Variants in RPTOR observed in about 807,000 individuals in gnomAD.
RPTOR encodes regulatory associated protein of MTOR complex 1, also known as regulatory-associated protein of mTOR.
Under a neutral mutation model 169.9 loss-of-function variants are expected in RPTOR, and 21 were observed. That is an observed-to-expected ratio of 0.12 (90% confidence interval 0.09 to 0.18). RPTOR has a LOEUF of 0.18. Among genes scored for constraint, RPTOR ranks in the 10% least tolerant of loss-of-function variants. The pLI is 1.00. For synonymous variants in RPTOR, 732 were observed against 753.2 expected (o/e 0.97, Z 0.46); for missense variants, 1,133 against 1,855.9 (o/e 0.61, Z 7.16).
At chr17:80,628,206 A>G (rs1410518395) in intron 2 of RPTOR, among the ~76,000 whole-genome samples, 1 of 152,158 alleles carries the variant, frequency 6.6e-6, no homozygotes, top group Admixed American at 6.6e-5. Context: ...AAAATAATGA[A>G]TGTCTTTTAT....
At chr17:80,748,202 G>A (rs1315696795) in intron 5 of RPTOR, among the ~76,000 whole-genome samples, 7 of 117,036 alleles carry the variant, frequency 6.0e-5, no homozygotes, top group South Asian at 2.9e-4. Flanking sequence ...TGTGTTTGGA[G>A]GCCGTGGCGG....
At position 80,673,090 on chromosome 17, in the gene RPTOR, C is replaced by T. The variant is rs142828946; in HGVS notation, c.348+29280C>T. Among the ~76,000 whole-genome samples, 1,355 of 152,092 alleles carry T rather than the reference C, an allele frequency of 8.9e-3. 22 individuals carry two copies. The highest frequency in any genetic ancestry group is 0.03 in the African/African-American group (1,258 of 41,502). On this transcript the variant is annotated intron_variant, in intron 3 of 33. Coordinates refer to ENST00000306801, the MANE Select transcript of RPTOR (RefSeq NM_020761.3). ...TATAGGCGTGTGCCACCACGCTTGG[C>T]CAATTTTTATATTTTTAGTAGAGAT...
At chr17:80,779,547 A>G (rs544770902) in intron 6 of RPTOR, among the ~76,000 whole-genome samples, 2 of 152,276 alleles carry the variant, frequency 1.3e-5, no homozygotes, top group Non-Finnish European at 2.9e-5. Flanking sequence ...CTGTGTGAAC[A>G]TTGAGATGTG....
intron 8 of RPTOR, among the ~76,000 whole-genome samples, chr17:80,822,838 G>A (rs1458283422): frequency 1.3e-5 from 2 of 152,010 alleles, no homozygotes; most frequent in South Asian, 2.1e-4. Context: ...TATCTGTATA[G>A]GTACACACCT....
At chr17:80,893,898 G>T in intron 20 of RPTOR, 33 bp downstream of exon 20, 1 of 1,504,412 alleles carries the variant, frequency 6.6e-7, no homozygotes. Context: ...GCTTCCGAGG[G>T]GCCCCGAGGG....
chr17:80,774,191 G>C (rs1399826625), intron 6 of RPTOR: 2 of 985,286 alleles, frequency 2.0e-6, no homozygotes, highest in Non-Finnish European at 2.4e-6. Flanking sequence ...ATGTCAAGCT[G>C]GTCCCGTCTC....
chr17:80,752,754 A>G (rs187081545), intron 5 of RPTOR, among the ~76,000 whole-genome samples: 1 of 152,358 alleles, frequency 6.6e-6, no homozygotes, highest in Admixed American at 6.5e-5. Flanking sequence ...CCTGGTATCC[A>G]TGGCAGGGTA....
chr17:80,581,632 C>T lies in RPTOR; in HGVS notation c.162+35841C>T, dbSNP rs8074142. On this transcript the variant is annotated intron_variant, in intron 1 of 33. Transcript: ENST00000306801. ...ATTCTCTGCAGTGGAGACCGCACAT[C>T]GGGCCAGTGCATGCCTGCTATTCTC... is the stretch of plus-strand genomic sequence containing the variant. 8.0e-3 allele frequency among the ~76,000 whole-genome samples: 1,128 copies of T among 140,362 alleles called. 15 individuals are homozygous for T. Among genetic ancestry groups the T allele is most frequent in the African/African-American group, 0.033 (1,029 of 31,510 alleles). 92.1% of individuals were successfully genotyped at this position (140,362 alleles called of 152,430 possible).
At chr17:80,869,864 T>C (rs2068033347) in intron 13 of RPTOR, among the ~76,000 whole-genome samples, 1 of 152,200 alleles carries the variant, frequency 6.6e-6, no homozygotes, top group African/African-American at 2.4e-5. Context: ...TTTGAAATTG[T>C]CCTTAGGGTC....
rs1203300212 is a variant in RPTOR, at chr17:80,825,255, A to T, written c.1136+2032A>T. On this transcript the variant is annotated intron_variant, in intron 9 of 33. Transcript: ENST00000306801. ...CTCTCCATCTAGAGGCCGCGTGGCG[A>T]GGCCAGCGTGGGGCAGCCACATCCC... Among the ~76,000 whole-genome samples the T allele has an allele frequency of 5.8e-4, 88 of 150,602 alleles. No individual in the cohort carries two copies. In the Middle Eastern group the frequency reaches 0.017, roughly 30 times the overall value.
intron 7 of RPTOR, among the ~76,000 whole-genome samples, chr17:80,819,062 C>T (rs1460378333): frequency 6.6e-6 from 1 of 152,168 alleles, no homozygotes; most frequent in Non-Finnish European, 1.5e-5. Flanking sequence ...AAACAGCCTG[C>T]GGGCAAATGG....
intron 20 of RPTOR, among the ~76,000 whole-genome samples, chr17:80,896,337 A>C (rs2068398503): frequency 6.6e-6 from 1 of 150,818 alleles, no homozygotes; most frequent in African/African-American, 2.4e-5. Context: ...CATCCCATCC[A>C]CGGCCGCGCC....
rs571545659 is a variant in RPTOR at position 80,877,143 on chromosome 17, T to C, written c.1510-3272T>C. ...GCTGCCGTTCTGCGCGTGTGTGGTTTCAAGTCTTGTTTCCTCTTCTGTTTA... is the reference window on the plus strand; with the variant it reads ...GCTGCCGTTCTGCGCGTGTGTGGTTCCAAGTCTTGTTTCCTCTTCTGTTTA... On this transcript the variant is annotated intron_variant, in intron 13 of 33. Transcript: ENST00000306801. 2.0e-5 allele frequency among the ~76,000 whole-genome samples: 3 copies of C among 152,310 alleles called. No homozygotes were observed. In the South Asian group the frequency reaches 6.2e-4, roughly 32 times the overall value.
chr17:80,846,321 G>T (rs777034187), intron 10 of RPTOR, 152 bp from the exon 11 acceptor site: 14 of 692,574 alleles, frequency 2.0e-5, no homozygotes, highest in Non-Finnish European at 3.5e-5. Flanking sequence ...GGCATGCCCA[G>T]AGCGCCCGCT....
intron 7 of RPTOR, among the ~76,000 whole-genome samples, chr17:80,816,387 A>C (rs1327724986): frequency 6.6e-6 from 1 of 152,214 alleles, no homozygotes; most frequent in African/African-American, 2.4e-5. Flanking sequence ...AGCCTCAGTG[A>C]AACGCGAATC....
At chr17:80,744,559 TCCTGGTTACGAGCACAGC>T (rs1567888917) in intron 5 of RPTOR, among the ~76,000 whole-genome samples, 12 of 26,764 alleles carry the variant, frequency 4.5e-4, no homozygotes, top group Non-Finnish European at 6.5e-4. Flanking sequence ...ACTAGCACTG[TCCTGGTTACGAGCACAGC>T]CCTGGCTACT....
intron 6 of RPTOR, among the ~76,000 whole-genome samples, chr17:80,759,086 C>T (rs1246339051): frequency 6.6e-6 from 1 of 151,864 alleles, no homozygotes; most frequent in Non-Finnish European, 1.5e-5. Context: ...CCAGATGTGG[C>T]AGTGCGTCCT....
In RPTOR at chr17:80,746,621, G is replaced by A. The variant is rs1384538818; in HGVS notation, c.655-7389G>A. Among the ~76,000 whole-genome samples the A allele has an allele frequency of 2.6e-5, 4 of 152,140 alleles. No homozygotes were observed. Among genetic ancestry groups the A allele is most frequent in the East Asian group, 3.9e-4 (2 of 5,192 alleles). ...GCTCCCCGGAGAAACCCCTTTGGGT[G>A]CACGCTCACCTTAGGCTTGCTGTTT... On this transcript the variant is annotated intron_variant, in intron 5 of 33. Coordinates refer to ENST00000306801, the MANE Select transcript of RPTOR (RefSeq NM_020761.3). This position sits in a 1 kb window ranked among gnomAD's most constrained non-coding sequence, Gnocchi z 4.5.
At chr17:80,570,751 A>G (rs1391713362) in intron 1 of RPTOR, among the ~76,000 whole-genome samples, 4 of 152,128 alleles carry the variant, frequency 2.6e-5, no homozygotes, top group Non-Finnish European at 5.9e-5. Flanking sequence ...GTGAGCTACC[A>G]TGCTGGGCCT....
Sources: allele counts gnomAD v4.1 joint callset (sites outside exome capture counted in the v4.1 genomes callset), GRCh38; gene constraint gnomAD v4.1.1; non-coding constraint Gnocchi (gnomAD v3.1); transcripts MANE v1.5; gene names NCBI Gene and HGNC (gene_info 2026-07-23, HGNC 2026-07-21).